SUSD1: variants seen among roughly 807,000 people sequenced by gnomAD.
SUSD1 encodes sushi domain-containing protein 1.
A neutral mutation model predicts 86.9 loss-of-function variants in SUSD1; 65 were observed. The observed-to-expected ratio is 0.75, with a 90% CI of 0.61 to 0.92. The LOEUF is 0.92. Among genes scored for constraint, SUSD1 ranks in the 40% least tolerant of loss-of-function variants. The probability of loss-of-function intolerance (pLI) is 0.00; values close to 1 mark genes in which losing one functional copy is unlikely to be tolerated. For synonymous variants in SUSD1, 346 were observed against 350.0 expected, an observed-to-expected ratio of 0.99 and a Z score of 0.13; for missense variants, 850 against 929.7, an observed-to-expected ratio of 0.91 and a Z score of 1.11.
intron 5 of SUSD1, among the ~76,000 whole-genome samples, chr9:112,131,649 T>C (rs1433227804): frequency 2.0e-5 from 3 of 152,034 alleles, no homozygotes; most frequent in Admixed American, 2.0e-4. Context: ...ATTTAATACA[T>C]AAAAAACCCC....
In SUSD1 at chr9:112,175,107, C is replaced by A; in HGVS notation, c.103+26G>T. Reference sequence around the variant, plus strand: ...CCCAGCCGGGGGCCCCGCCGGCCGCCCGTGCCCGTCCCAGCCCGCACTCAC... The same window carrying A: ...CCCAGCCGGGGGCCCCGCCGGCCGCACGTGCCCGTCCCAGCCCGCACTCAC... On this transcript the variant is annotated intron_variant, in intron 1 of 16. Transcript: ENST00000374270. The surrounding 1 kb of genome is among the most constrained non-coding windows in gnomAD (Gnocchi z 4.7). 9.8e-7 allele frequency: 1 copy of A among 1,015,836 alleles called. No individual in the cohort carries two copies. The highest frequency in any genetic ancestry group is 1.7e-5 in the African/African-American group (1 of 57,634). 62.9% of individuals were successfully genotyped at this position (1,015,836 alleles called of 1,614,324 possible).
intron 10 of SUSD1, among the ~76,000 whole-genome samples, chr9:112,082,624 C>T (rs2131565662): frequency 6.6e-6 from 1 of 152,288 alleles, no homozygotes; most frequent in East Asian, 1.9e-4. Context: ...AAACACAGGC[C>T]TACTGACACC....
At chr9:112,115,052 TAAG>T (rs1031075760) in intron 6 of SUSD1, among the ~76,000 whole-genome samples, 7 of 152,186 alleles carry the variant, frequency 4.6e-5, no homozygotes. Flanking sequence ...GGCTCCCATC[TAAG>T]AAGAGTGAGA....
chr9:112,090,731 C>A (rs1830172007), intron 10 of SUSD1, among the ~76,000 whole-genome samples: 1 of 152,068 alleles, frequency 6.6e-6, no homozygotes, highest in Non-Finnish European at 1.5e-5. Context: ...GAAATTATAT[C>A]AAATTTAAAA....
chr9:112,119,139 T>C (rs1039938199), intron 6 of SUSD1, among the ~76,000 whole-genome samples: 5 of 152,162 alleles, frequency 3.3e-5, no homozygotes, highest in Admixed American at 6.5e-5. Context: ...TACTTATCTA[T>C]GAAATGAAAA....
chr9:112,107,115 T>C (rs923743465), intron 8 of SUSD1, among the ~76,000 whole-genome samples: 1 of 151,160 alleles, frequency 6.6e-6, no homozygotes. Flanking sequence ...ATGAAAAAAT[T>C]AAGTGATCTG....
intron 8 of SUSD1, 100 bp from the exon 9 acceptor site, chr9:112,102,385 T>C (rs1478506175): frequency 1.6e-5 from 8 of 505,760 alleles, no homozygotes; most frequent in Admixed American, 4.0e-5. Context: ...AGAGAGCCAA[T>C]TGGGTGTTTA....
chr9:112,116,930 A>C (rs1407204085), intron 6 of SUSD1, among the ~76,000 whole-genome samples: 1 of 152,184 alleles, frequency 6.6e-6, no homozygotes, highest in African/African-American at 2.4e-5. Flanking sequence ...ACTTGAGGCC[A>C]GGAGTTCAAG....
intron 8 of SUSD1, among the ~76,000 whole-genome samples, chr9:112,109,149 T>C (rs572790870): frequency 3.2e-4 from 48 of 152,158 alleles, no homozygotes; most frequent in African/African-American, 1.2e-3. Context: ...GTCAGAAACA[T>C]AAACAGACCC....
chr9:112,106,608 G>A (rs1025948879), intron 8 of SUSD1, among the ~76,000 whole-genome samples: 19 of 151,818 alleles, frequency 1.3e-4, no homozygotes, highest in Middle Eastern at 3.4e-3. Flanking sequence ...TTAAATCATC[G>A]CTACCAAGGT....
At chr9:112,149,474 T>C (rs1463360633) in intron 2 of SUSD1, 75 bp from the exon 3 acceptor site, 3 of 1,543,434 alleles carry the variant, frequency 1.9e-6, no homozygotes, top group East Asian at 2.3e-5. Flanking sequence ...TGTCCTCCCA[T>C]GCTATGGACT....
chr9:112,105,836 G>C (rs892288831), intron 8 of SUSD1, among the ~76,000 whole-genome samples: 1 of 152,042 alleles, frequency 6.6e-6, no homozygotes, highest in Non-Finnish European at 1.5e-5. Flanking sequence ...TGTCACTTTC[G>C]AATTCCCAAT....
At chr9:112,059,992 G>A (rs566155304) in intron 13 of SUSD1, among the ~76,000 whole-genome samples, 18 of 133,518 alleles carry the variant, frequency 1.3e-4, no homozygotes, top group African/African-American at 4.7e-4. Context: ...TTCTTGAGTT[G>A]AAATTTCGGA....
At chr9:112,080,667 G>A (rs1339778282) in intron 10 of SUSD1, among the ~76,000 whole-genome samples, 3 of 144,142 alleles carry the variant, frequency 2.1e-5, no homozygotes, top group Non-Finnish European at 4.5e-5. Context: ...CAGCCTGGGT[G>A]ACAGAGTGAG....
chr9:112,104,353 A>AT (rs1007187909), intron 8 of SUSD1, among the ~76,000 whole-genome samples: 2 of 151,958 alleles, frequency 1.3e-5, no homozygotes, highest in Non-Finnish European at 2.9e-5. Context: ...CAAGGTATAT[A>AT]TTAAAAAAAA....
intron 5 of SUSD1, among the ~76,000 whole-genome samples, chr9:112,125,381 C>T (rs1365877451): frequency 6.6e-6 from 1 of 151,966 alleles, no homozygotes; most frequent in East Asian, 1.9e-4. Flanking sequence ...AAAACCAGAG[C>T]AGTGAGTTGA....
rs199860572 is a variant in SUSD1, at chr9:112,110,773, TA to T, written c.1171+880del. Among the ~76,000 whole-genome samples the T allele has an allele frequency of 7.1e-3, 1,086 of 152,168 alleles. 13 individuals carry two copies. Among genetic ancestry groups the T allele is most frequent in the African/African-American group, 0.025 (1,028 of 41,496 alleles). On this transcript the variant is annotated intron_variant, in intron 8 of 16. Coordinates refer to ENST00000374270, the MANE Select transcript of SUSD1 (RefSeq NM_022486.5). ...CTTACTGTAATTGTCACAATGTTGTTAAAAACCCACATGACAATTATGTAAA... is the reference window on the plus strand; with the variant it reads ...CTTACTGTAATTGTCACAATGTTGTTAAAACCCACATGACAATTATGTAAA...
chr9:112,076,916 C>T (rs569609461), intron 12 of SUSD1, among the ~76,000 whole-genome samples: 2 of 152,216 alleles, frequency 1.3e-5, no homozygotes, highest in East Asian at 3.9e-4. Context: ...GGAGATCAAA[C>T]GAAGAGCCTT....
At chr9:112,172,719 T>C (rs1005736227) in intron 1 of SUSD1, among the ~76,000 whole-genome samples, 7 of 152,188 alleles carry the variant, frequency 4.6e-5, no homozygotes, top group African/African-American at 1.7e-4. Flanking sequence ...ATTAAATCCT[T>C]CCTTCCAGTC....
Sources: gnomAD v4.1 joint callset for allele counts (sites outside exome capture counted in the v4.1 genomes callset) on GRCh38, gnomAD v4.1.1 for gene constraint, Gnocchi (gnomAD v3.1) non-coding constraint, MANE v1.5 for transcripts, NCBI Gene and HGNC (gene_info 2026-07-23, HGNC 2026-07-21) for gene names.